The following MMP26 variants were observed in gnomAD, a reference collection of about 807,000 sequenced individuals.
MMP26 encodes matrix metalloproteinase-26.
In MMP26, 33 loss-of-function variants were observed where a neutral mutation model predicts 31.0. The ratio of observed to expected loss-of-function variants is 1.06; its 90% CI spans 0.81 to 1.42. The LOEUF (loss-of-function observed/expected upper bound fraction) is 1.42. Ranked by LOEUF, MMP26 falls within the 40% of genes most tolerant of loss-of-function variation. MMP26 has a pLI of 0.00. For missense variants in MMP26, 347 were observed against 316.1 expected, an observed-to-expected ratio of 1.10 and a Z score of -0.74; for synonymous variants, 122 against 114.9, an observed-to-expected ratio of 1.06 and a Z score of -0.40.
intron 2 of MMP26, among the ~76,000 whole-genome samples, chr11:4,878,686 T>G (rs1850418204): frequency 6.6e-6 from 1 of 152,158 alleles, no homozygotes; most frequent in African/African-American, 2.4e-5. Context: ...AAACTATACT[T>G]TATTAAGATT....
chr11:4,813,009 G>GTATA (rs1218403918), intron 2 of MMP26, among the ~76,000 whole-genome samples: 3,677 of 142,404 alleles, frequency 0.026, 155 homozygotes, highest in African/African-American at 0.096. Flanking sequence ...GTGTGTGTGT[G>GTATA]TGTATGTATA....
Position 4,974,683 on chromosome 11 carries a change from C to T in MMP26, c.-144-13385C>T, listed in dbSNP as rs369851968. Among the ~76,000 whole-genome samples, 3 of 152,176 alleles carry T rather than the reference C, an allele frequency of 2.0e-5. No homozygotes were observed. The East Asian group carries it at 5.8e-4, about 29-fold the overall frequency. On this transcript the variant is annotated intron_variant, in intron 2 of 7. Transcript: ENST00000380390. ...TACCATAGATTTCGGAGTGCCTTTGCATCATCTTCTTAACTCTGTATACAC... is the reference window on the plus strand; with the variant it reads ...TACCATAGATTTCGGAGTGCCTTTGTATCATCTTCTTAACTCTGTATACAC...
chr11:4,823,891 A>G, intron 2 of MMP26, among the ~76,000 whole-genome samples: 1 of 152,064 alleles, frequency 6.6e-6, no homozygotes, highest in South Asian at 2.1e-4. Flanking sequence ...TCCATTAATC[A>G]CTCTCAATAA....
rs761063105 is a variant in MMP26 at position 4,827,009 on chromosome 11, A to T, written c.-145+59668A>T. Among the ~76,000 whole-genome samples, 63 of 152,174 alleles carry T rather than the reference A, an allele frequency of 4.1e-4. 1 individual carries two copies. Among genetic ancestry groups the T allele is most frequent in the Admixed American group, 7.2e-4 (11 of 15,270 alleles). ...GTACATGCATGGATACCAAGTGAGT[A>T]CATGTAGATATTTCATCATTCAGTG... is the stretch of plus-strand genomic sequence containing the variant. On this transcript the variant is annotated intron_variant, in intron 2 of 7. Transcript: ENST00000380390.
At chr11:4,954,701 A>G (rs1400374760) in intron 2 of MMP26, 1 of 728,936 alleles carries the variant, frequency 1.4e-6, no homozygotes, top group Non-Finnish European at 2.3e-6. Context: ...CTTGGTGTCA[A>G]ATATTAGGTT....
At chr11:4,979,284 AGACTGCAAACCAAT>A (rs1426184690) in intron 2 of MMP26, among the ~76,000 whole-genome samples, 3 of 152,146 alleles carry the variant, frequency 2.0e-5, no homozygotes, top group Non-Finnish European at 4.4e-5. Flanking sequence ...GAATTCGTTC[AGACTGCAAACCAAT>A]GATTGAATAA....
chr11:4,954,800 A>G, intron 2 of MMP26: 1 of 1,060,670 alleles, frequency 9.4e-7, no homozygotes, highest in Non-Finnish European at 1.3e-6. Flanking sequence ...CAATTTTGCT[A>G]CAACTCTCAC....
At chr11:4,803,439 G>A (rs200172846) in intron 2 of MMP26, 2 of 1,599,240 alleles carry the variant, frequency 1.3e-6, no homozygotes, top group Non-Finnish European at 1.7e-6. Flanking sequence ...TTGCTCAGGG[G>A]ATGTTTCCAC....
intron 2 of MMP26, chr11:4,914,554 G>T: frequency 3.5e-6 from 2 of 574,768 alleles, no homozygotes; most frequent in South Asian, 2.6e-5. Context: ...ACCCCCCCCT[G>T]CCCTGGCCAC....
intron 2 of MMP26, among the ~76,000 whole-genome samples, chr11:4,839,350 C>A (rs935098127): frequency 1.3e-5 from 2 of 151,868 alleles, no homozygotes; most frequent in Non-Finnish European, 2.9e-5. Flanking sequence ...TACCGAGACA[C>A]ACTGAGGCTG....
intron 2 of MMP26, chr11:4,882,136 C>T (rs759745598): frequency 6.2e-7 from 1 of 1,613,792 alleles, no homozygotes; most frequent in Non-Finnish European, 8.5e-7. Flanking sequence ...CCATTACGAC[C>T]CTTCCCACTG....
chr11:4,814,139 A>G (rs1343606913), intron 2 of MMP26, among the ~76,000 whole-genome samples: 2 of 152,222 alleles, frequency 1.3e-5, no homozygotes, highest in Admixed American at 1.3e-4. Context: ...CACTGACAAC[A>G]CTAAGTATTG....
rs143336231 is a variant in MMP26, at chr11:4,953,169, G to A, written c.-144-34899G>A. Among the ~76,000 whole-genome samples, 608 of 124,602 alleles carry A rather than the reference G, an allele frequency of 4.9e-3. 128 individuals carry two copies. The highest frequency in any genetic ancestry group is 0.016 in the African/African-American group (570 of 36,742). 81.7% of individuals were successfully genotyped at this position (124,602 alleles called of 152,430 possible). On this transcript the variant is annotated intron_variant, in intron 2 of 7. Transcript: ENST00000380390. ...TAAAAATCTTTAGCATCAATGATACGCCTGTATTTGAAATAGACAATTTAA... is the reference window on the plus strand; with the variant it reads ...TAAAAATCTTTAGCATCAATGATACACCTGTATTTGAAATAGACAATTTAA...
At chr11:4,816,697 CTTTTTTTTTT>C (rs747753151) in intron 2 of MMP26, among the ~76,000 whole-genome samples, 11 of 79,388 alleles carry the variant, frequency 1.4e-4, no homozygotes, top group East Asian at 3.5e-4. Context: ...TGGGTGCCTT[CTTTTTTTTTT>C]TTTTTTTTTT....
At chr11:4,828,955 T>G (rs1285739961) in intron 2 of MMP26, among the ~76,000 whole-genome samples, 1 of 152,148 alleles carries the variant, frequency 6.6e-6, no homozygotes, top group East Asian at 1.9e-4. Flanking sequence ...AAATCTGGTT[T>G]CAGTCACCCA....
intron 2 of MMP26, among the ~76,000 whole-genome samples, chr11:4,984,377 T>C (rs1266011958): frequency 2.0e-5 from 3 of 152,216 alleles, no homozygotes; most frequent in African/African-American, 7.2e-5. Flanking sequence ...ATGAAGAAAG[T>C]GCATTCTTGG....
At chr11:4,905,040 A>G in intron 2 of MMP26, among the ~76,000 whole-genome samples, 1 of 152,286 alleles carries the variant, frequency 6.6e-6, no homozygotes, top group East Asian at 1.9e-4. Flanking sequence ...CATTCCCTGA[A>G]AGACCTGAGT....
intron 2 of MMP26, among the ~76,000 whole-genome samples, chr11:4,827,525 A>T (rs992444800): frequency 6.6e-6 from 1 of 152,092 alleles, no homozygotes; most frequent in East Asian, 1.9e-4. Context: ...CACATAAAGT[A>T]TACAGAAGTG....
chr11:4,707,530 A>G (rs571823439), intron 1 of MMP26, among the ~76,000 whole-genome samples: 3 of 152,238 alleles, frequency 2.0e-5, no homozygotes, highest in Non-Finnish European at 4.4e-5. Flanking sequence ...TAAAGAGTGT[A>G]TGACCTTGAG....
Sources: allele counts gnomAD v4.1 joint callset (sites outside exome capture counted in the v4.1 genomes callset), GRCh38; gene constraint gnomAD v4.1.1; transcripts MANE v1.5; gene names NCBI Gene and HGNC (gene_info 2026-07-23, HGNC 2026-07-21).